The following DNAH17 variants were observed in gnomAD, a reference collection of about 807,000 sequenced individuals.
DNAH17 encodes the protein axonemal beta dynein heavy chain 17.
Under a neutral mutation model 485.6 loss-of-function variants are expected in DNAH17, and 376 were observed. That is an observed-to-expected ratio of 0.77 (90% CI 0.71 to 0.84). The LOEUF is 0.84. DNAH17 is among the 40% of genes least tolerant of loss of function. DNAH17 has a pLI of 0.00. For missense variants in DNAH17, 6,370 were observed against 5,839.3 expected (o/e 1.09, Z -2.96); for synonymous variants, 3,031 against 2,405.9 (o/e 1.26, Z -7.60).
intron 16 of DNAH17, among the ~76,000 whole-genome samples, chr17:78,546,734 C>A (rs937185571): frequency 1.3e-5 from 2 of 152,122 alleles, no homozygotes; most frequent in African/African-American, 2.4e-5. Flanking sequence ...GGTGAAACCC[C>A]ATCTCTACTA....
At chr17:78,443,909 A>T (rs1260999511) in intron 71 of DNAH17, among the ~76,000 whole-genome samples, 6 of 152,124 alleles carry the variant, frequency 3.9e-5, no homozygotes, top group African/African-American at 1.4e-4. Flanking sequence ...TACTTGGAGA[A>T]ATGAAAAGGG....
intron 75 of DNAH17, among the ~76,000 whole-genome samples, chr17:78,432,014 A>G (rs1378685797): frequency 6.6e-6 from 1 of 151,610 alleles, no homozygotes; most frequent in Non-Finnish European, 1.5e-5. Context: ...TTTACAGAAC[A>G]AAACAAAACA....
Position 78,567,086 on chromosome 17 carries a change from G to A in DNAH17, c.1365C>T (p.Ser455=), listed in dbSNP as rs764087489. 3.1e-6 allele frequency: 5 copies of A among 1,613,306 alleles called. No homozygotes were observed. The highest frequency in any genetic ancestry group is 4.2e-6 in the Non-Finnish European group (5 of 1,179,642). ...CCTCATCATAGATACGGGTCACCAG[G>A]CTCCCGAGGAGGTTCCCACGCACGC... is the stretch of plus-strand genomic sequence containing the variant. The part of the protein sequence containing the change: ...LGGVRGNLLG[S]LVTRIYDEVF... The change falls in exon 10 of 81, where the codon AGC becomes AGT. Residue 455 remains serine, a synonymous_variant. Transcript: ENST00000389840.
At chr17:78,544,229 G>C (rs147635376) in intron 16 of DNAH17, among the ~76,000 whole-genome samples, 55 of 152,300 alleles carry the variant, frequency 3.6e-4, no homozygotes, top group African/African-American at 1.3e-3. Flanking sequence ...GGGCCTAGGG[G>C]AACCACAGAA....
chr17:78,567,837 G>T (rs897552128), intron 9 of DNAH17, among the ~76,000 whole-genome samples: 1 of 152,290 alleles, frequency 6.6e-6, no homozygotes, highest in South Asian at 2.1e-4. Context: ...GGTTGTGTGT[G>T]TGCAGTTCCT....
intron 77 of DNAH17, chr17:78,428,227 G>C: frequency 2.2e-6 from 1 of 451,592 alleles, no homozygotes; most frequent in Non-Finnish European, 4.1e-6. Flanking sequence ...GCTCAGCTAG[G>C]GAAGCTGGAA....
intron 33 of DNAH17, 49 bp downstream of exon 33, chr17:78,502,541 CT>C: frequency 6.5e-7 from 1 of 1,538,726 alleles, no homozygotes. Flanking sequence ...CATGCACCTG[CT>C]TTTTAAACAA....
At chr17:78,550,126 T>G (rs2091865851) in intron 16 of DNAH17, among the ~76,000 whole-genome samples, 1 of 151,482 alleles carries the variant, frequency 6.6e-6, no homozygotes, top group South Asian at 2.1e-4. Context: ...TGGGGAGGCG[T>G]GGGGAGGAGG....
Position 78,485,707 on chromosome 17 carries a change from G to T in DNAH17, c.7326C>A (p.Asp2442Glu). Residue 2442 changes from aspartate (D) to glutamate (E), a missense_variant, in exon 47 of 81, where the codon GAC becomes GAA. Coordinates refer to ENST00000389840, the MANE Select transcript of DNAH17 (RefSeq NM_173628.4). The stretch of plus-strand genomic sequence containing the variant: ...CCGGCCAGGACTTCTCCATGAGCAG[G>T]TCCATGAAGTAGCGGATGCGGATGG... ...TETIRIRYFM[D>E]LLMEKSWPVM... The T allele has an allele frequency of 6.2e-7, 1 of 1,613,756 alleles. No homozygotes were observed. The highest frequency in any genetic ancestry group is 8.5e-7 in the Non-Finnish European group (1 of 1,179,884).
intron 73 of DNAH17, 64 bp downstream of exon 73, chr17:78,439,023 CTGG>C (rs759013600): frequency 5.9e-5 from 93 of 1,564,328 alleles, no homozygotes; most frequent in Middle Eastern, 2.2e-4. Flanking sequence ...TCCGGGCCTT[CTGG>C]CCCATCCCCA....
intron 37 of DNAH17, among the ~76,000 whole-genome samples, chr17:78,498,580 C>T (rs1474663757): frequency 1.3e-5 from 2 of 152,230 alleles, no homozygotes; most frequent in African/African-American, 4.8e-5. Context: ...GCTGCACGCT[C>T]TGTGCCCCGG....
Position 78,424,107 on chromosome 17 carries a change from C to T in DNAH17, c.13188G>A (p.Leu4396=). Residue 4396 remains leucine (L), a synonymous_variant, in exon 81 of 81, where the codon CTG becomes CTA. Coordinates refer to ENST00000389840, the MANE Select transcript of DNAH17 (RefSeq NM_173628.4). Reference sequence around the variant, plus strand: ...CAGGCATGGCCGGGGTCAGCTCTTTCAGCCGCGCTTCAGCGATGACTCCAG... The same window carrying T: ...CAGGCATGGCCGGGGTCAGCTCTTTTAGCCGCGCTTCAGCGATGACTCCAG... The part of the protein sequence containing the change: ...TQTGVIAEAR[L]KELTPAMPVI... 1 of 1,613,818 alleles carries T rather than the reference C, an allele frequency of 6.2e-7. No individual in the cohort carries two copies. The highest frequency in any genetic ancestry group is 8.5e-7 in the Non-Finnish European group (1 of 1,179,880).
chr17:78,426,774 C>T, intron 78 of DNAH17, 152 bp downstream of exon 78: 1 of 1,278,772 alleles, frequency 7.8e-7, no homozygotes, highest in Non-Finnish European at 1.1e-6. Context: ...AGATGAGCTC[C>T]CGGGGCTTGT....
chr17:78,450,509 G>C, intron 67 of DNAH17, 115 bp from the exon 68 acceptor site: 1 of 1,474,044 alleles, frequency 6.8e-7, no homozygotes, highest in Middle Eastern at 2.0e-4. Flanking sequence ...AGGGCTCTCA[G>C]CAGCAGCTGG....
At chr17:78,495,565 G>A (rs2090040357) in intron 38 of DNAH17, among the ~76,000 whole-genome samples, 2 of 151,776 alleles carry the variant, frequency 1.3e-5, no homozygotes, top group Admixed American at 6.6e-5. Flanking sequence ...AGCCTCCTGA[G>A]TAGCTGTGAT....
chr17:78,435,316 G>A (rs978023688), intron 74 of DNAH17, among the ~76,000 whole-genome samples: 9 of 152,128 alleles, frequency 5.9e-5, no homozygotes, highest in African/African-American at 1.2e-4. Context: ...CAGCCTACCC[G>A]CACTCAGGTC....
intron 66 of DNAH17, 66 bp downstream of exon 66, chr17:78,451,403 C>A: frequency 1.4e-6 from 2 of 1,478,818 alleles, no homozygotes; most frequent in South Asian, 1.3e-5. Context: ...GGGACCCTCA[C>A]AGTGACCTGG....
rs541447848 is a variant in DNAH17 at position 78,492,558 on chromosome 17, G to T, written c.6541+75C>A. On this transcript the variant is annotated intron_variant, in intron 42 of 80. Coordinates refer to ENST00000389840, the MANE Select transcript of DNAH17 (RefSeq NM_173628.4). ...CCTGGGGAGGCTGGCCTTCCACGTGGGAACGGCTGAGCACACGCTCACTGC... is the reference window on the plus strand; with the variant it reads ...CCTGGGGAGGCTGGCCTTCCACGTGTGAACGGCTGAGCACACGCTCACTGC... 7.7e-4 allele frequency: 1,217 copies of T among 1,573,570 alleles called. 1 individual carries two copies. The highest frequency in any genetic ancestry group is 9.4e-4 in the Non-Finnish European group (1,085 of 1,153,146).
chr17:78,472,272 A>AGGGGTGCGAGGGTTAGGGTTAGGGAGTG (rs768103378), intron 54 of DNAH17, among the ~76,000 whole-genome samples: 14,101 of 104,704 alleles, frequency 0.13, 1,263 homozygotes, highest in Admixed American at 0.19. Flanking sequence ...GTTAGGGAGT[A>AGGGGTGCGAGGGTTAGGGTTAGGGAGTG]GGGGTGCGAG....
Sources: allele counts gnomAD v4.1 joint callset (sites outside exome capture counted in the v4.1 genomes callset), GRCh38; gene constraint gnomAD v4.1.1; transcripts MANE v1.5; gene names NCBI Gene and HGNC (gene_info 2026-07-23, HGNC 2026-07-21).